Variants in PCBD2 observed in about 807,000 individuals in gnomAD.
The protein encoded by PCBD2 is pterin-4-alpha-carbinolamine dehydratase 2.
In PCBD2, 12 loss-of-function variants were observed where a neutral mutation model predicts 16.4. The observed-to-expected ratio is 0.73, with a 90% CI of 0.47 to 1.19. The LOEUF is 1.19. PCBD2 is among the 50% of genes most tolerant of loss of function. PCBD2 has a pLI of 0.00. For missense variants in PCBD2, 138 were observed against 156.8 expected (o/e 0.88, Z 0.64); for synonymous variants, 58 against 61.8 (o/e 0.94, Z 0.29).
rs565094696 is a variant in PCBD2 at position 134,952,407 on chromosome 5, C to T, written c.217-6633C>T. ...AATTTCTGTGAATATTTGATGAGCG[C>T]TTTAAAAGTGTTATTCTCAGTTTTT... On this transcript the variant is annotated intron_variant, in intron 2 of 3. Transcript: ENST00000254908. Among the ~76,000 whole-genome samples the T allele has an allele frequency of 2.6e-5, 4 of 152,228 alleles. No individual in the cohort carries two copies. In the South Asian group the frequency reaches 6.2e-4, roughly 24 times the overall value.
intron 1 of PCBD2, among the ~76,000 whole-genome samples, chr5:134,908,092 A>T (rs949945671): frequency 2.0e-5 from 3 of 150,488 alleles, no homozygotes; most frequent in South Asian, 2.1e-4. Context: ...GCTATTTTTT[A>T]AAATTTTTTT....
chr5:134,956,859 T>C (rs922861290), intron 2 of PCBD2, among the ~76,000 whole-genome samples: 4 of 152,208 alleles, frequency 2.6e-5, no homozygotes, highest in African/African-American at 9.6e-5. Context: ...CCATTACCGA[T>C]CTCTTATTCT....
chr5:134,925,568 T>C (rs534779614), intron 2 of PCBD2: 20 of 398,214 alleles, frequency 5.0e-5, no homozygotes, highest in African/African-American at 3.9e-4. Context: ...ATTTTTTTGA[T>C]GTCATTTTGT....
Position 134,959,064 on chromosome 5 carries a change from G to A in PCBD2, c.241G>A (p.Ala81Thr), listed in dbSNP as rs775362117. The change falls in exon 3 of 4, where the codon GCC becomes ACC. Residue 81 changes from alanine to threonine, a missense_variant. By Grantham distance (58) the Ala-to-Thr change is moderately conservative (BLOSUM62 0). Coordinates refer to ENST00000254908, the MANE Select transcript of PCBD2 (RefSeq NM_032151.5). ...GGCATTTGGCTTTATGTCCCGAGTT[G>A]CCCTACAAGCAGAGAAGATGAATCA... ...NQAFGFMSRV[A>T]LQAEKMNHHP... 16 of 1,613,878 alleles carry A rather than the reference G, an allele frequency of 9.9e-6. No homozygotes were observed. The highest frequency in any genetic ancestry group is 1.2e-5 in the Non-Finnish European group (14 of 1,179,878).
chr5:134,905,460 T>C (rs552262220), intron 1 of PCBD2: 40 of 365,992 alleles, frequency 1.1e-4, no homozygotes, highest in African/African-American at 7.8e-4. Flanking sequence ...CGCCGAAGCC[T>C]ACGAACTTGC....
chr5:134,951,103 G>T (rs537317992), intron 2 of PCBD2, among the ~76,000 whole-genome samples: 1 of 152,068 alleles, frequency 6.6e-6, no homozygotes, highest in Non-Finnish European at 1.5e-5. Context: ...AATTCAAAAG[G>T]TACCAAAGAA....
chr5:134,930,149 C>T (rs1751075652), intron 2 of PCBD2, among the ~76,000 whole-genome samples: 1 of 152,184 alleles, frequency 6.6e-6, no homozygotes, highest in South Asian at 2.1e-4. Flanking sequence ...AGACTAAATG[C>T]AACTTAGATT....
chr5:134,929,576 A>G (rs1751067850), intron 2 of PCBD2, among the ~76,000 whole-genome samples: 1 of 152,090 alleles, frequency 6.6e-6, no homozygotes, highest in South Asian at 2.1e-4. Flanking sequence ...TGGAGATCTT[A>G]TGCTTTATAC....
intron 2 of PCBD2, among the ~76,000 whole-genome samples, chr5:134,936,341 C>T (rs532737726): frequency 1.3e-5 from 2 of 152,338 alleles, no homozygotes; most frequent in South Asian, 4.1e-4. Flanking sequence ...TTTACCTCTG[C>T]TCCTTCACTC....
chr5:134,918,325 C>T (rs946920030), intron 2 of PCBD2, among the ~76,000 whole-genome samples: 2 of 151,854 alleles, frequency 1.3e-5, no homozygotes, highest in Non-Finnish European at 2.9e-5. Context: ...GCCAAAATGG[C>T]GAAACCCCTT....
At chr5:134,918,294 C>T (rs1303283625) in intron 2 of PCBD2, among the ~76,000 whole-genome samples, 1 of 152,144 alleles carries the variant, frequency 6.6e-6, no homozygotes, top group African/African-American at 2.4e-5. Flanking sequence ...CACCAGAGGT[C>T]AGGAGTTCGA....
intron 2 of PCBD2, chr5:134,928,048 T>A (rs1751039687): frequency 2.5e-6 from 1 of 394,654 alleles, no homozygotes; most frequent in African/African-American, 2.1e-5. Flanking sequence ...GGAGTAGGCT[T>A]AGGTTATGTA....
intron 2 of PCBD2, among the ~76,000 whole-genome samples, chr5:134,919,838 T>C (rs1426741938): frequency 6.6e-6 from 1 of 152,264 alleles, no homozygotes; most frequent in South Asian, 2.1e-4. Flanking sequence ...GCTTCAGTAC[T>C]GCCATTATCA....
intron 2 of PCBD2, among the ~76,000 whole-genome samples, chr5:134,911,936 A>G (rs575625306): frequency 1.3e-5 from 2 of 152,328 alleles, no homozygotes; most frequent in African/African-American, 4.8e-5. Context: ...AGCTTATTAA[A>G]ATTCTTACAT....
At chr5:134,950,003 A>G (rs1327973286) in intron 2 of PCBD2, among the ~76,000 whole-genome samples, 2 of 152,268 alleles carry the variant, frequency 1.3e-5, no homozygotes, top group Non-Finnish European at 2.9e-5. Context: ...ATCACCAATT[A>G]GAGTAAATTG....
In PCBD2 at chr5:134,960,779, T is replaced by C. The variant is rs1227870139; in HGVS notation, c.*98T>C. 2.9e-6 allele frequency: 3 copies of C among 1,048,144 alleles called. No homozygotes were observed. In the East Asian group the frequency reaches 7.8e-5, roughly 27 times the overall value. The allele number at this position is 1,048,144 out of a possible 1,614,324, so 64.9% of individuals were successfully genotyped here. On this transcript the variant is annotated 3_prime_UTR_variant, in exon 4 of 4. Coordinates refer to ENST00000254908, the MANE Select transcript of PCBD2 (RefSeq NM_032151.5). ...CAAATAGAGTTGTTCTTTTTCTCTTTTTTTTAAGACAGAGTGTTGCTCTGT... is the reference window on the plus strand; with the variant it reads ...CAAATAGAGTTGTTCTTTTTCTCTTCTTTTTAAGACAGAGTGTTGCTCTGT...
At chr5:134,921,885 A>G (rs970308837) in intron 2 of PCBD2, among the ~76,000 whole-genome samples, 1 of 152,164 alleles carries the variant, frequency 6.6e-6, no homozygotes, top group Non-Finnish European at 1.5e-5. Context: ...CCACTTTGTC[A>G]TGACCAAGTT....
chr5:134,907,120 C>G (rs1053276985), intron 1 of PCBD2, among the ~76,000 whole-genome samples: 2 of 152,262 alleles, frequency 1.3e-5, no homozygotes, highest in Admixed American at 1.3e-4. Context: ...CTCCAGGTTC[C>G]TGCCTTATTA....
intron 1 of PCBD2, chr5:134,905,605 A>T (rs950530558): frequency 5.4e-6 from 1 of 185,118 alleles, no homozygotes; most frequent in Admixed American, 6.2e-5. Flanking sequence ...CTGGCTCCCT[A>T]TGGCGGCTCC....
Sources: allele counts gnomAD v4.1 joint callset (sites outside exome capture counted in the v4.1 genomes callset), GRCh38; gene constraint gnomAD v4.1.1; transcripts MANE v1.5; gene names NCBI Gene and HGNC (gene_info 2026-07-23, HGNC 2026-07-21).